Variants in TEAD1 observed in about 807,000 individuals in gnomAD.
TEAD1 encodes the protein transcriptional enhancer factor TEF-1.
Under a neutral mutation model 54.9 loss-of-function variants are expected in TEAD1, and 9 were observed. The ratio of observed to expected loss-of-function variants is 0.16; its 90% CI spans 0.10 to 0.29. TEAD1 has a LOEUF of 0.29. Ranked by LOEUF, TEAD1 falls within the 10% of genes least tolerant of loss-of-function variation. TEAD1 has a pLI of 1.00. For synonymous variants in TEAD1, 200 were observed against 187.8 expected (o/e 1.07, Z -0.53); for missense variants, 387 against 535.9 (o/e 0.72, Z 2.74).
intron 11 of TEAD1, 74 bp downstream of exon 11, chr11:12,925,126 CAG>C: frequency 6.4e-7 from 1 of 1,554,730 alleles, no homozygotes; most frequent in Non-Finnish European, 8.8e-7. Flanking sequence ...TTCCTTGGGG[CAG>C]AGAGTTGTAT....
chr11:12,821,859 T>G (rs1165130444), intron 3 of TEAD1, among the ~76,000 whole-genome samples: 1 of 151,938 alleles, frequency 6.6e-6, no homozygotes, highest in South Asian at 2.1e-4. Flanking sequence ...TTCTCTCACT[T>G]TACCTACCTC....
intron 3 of TEAD1, among the ~76,000 whole-genome samples, chr11:12,766,264 C>T (rs1945205276): frequency 6.6e-6 from 1 of 152,176 alleles, no homozygotes; most frequent in South Asian, 2.1e-4. Flanking sequence ...TTGTATTGTT[C>T]TCCATTGAGA....
chr11:12,702,250 C>G (rs1286924102), intron 2 of TEAD1, among the ~76,000 whole-genome samples: 1 of 152,200 alleles, frequency 6.6e-6, no homozygotes, highest in Non-Finnish European at 1.5e-5. Flanking sequence ...AGGCTGGTAT[C>G]AGGCCACAGC....
intron 3 of TEAD1, among the ~76,000 whole-genome samples, chr11:12,782,585 A>G (rs566496248): frequency 1.3e-5 from 2 of 152,346 alleles, no homozygotes; most frequent in South Asian, 2.1e-4. Flanking sequence ...GAATGTAGTA[A>G]AAACTTGAAT....
chr11:12,910,747 C>CTT lies in TEAD1; in HGVS notation c.873+8650_873+8651dup, dbSNP rs5789752. Among the ~76,000 whole-genome samples the CTT allele has an allele frequency of 1.1e-3, 135 of 119,900 alleles. 2 individuals carry two copies. The highest frequency in any genetic ancestry group is 2.9e-3 in the African/African-American group (89 of 31,210). The allele number at this position is 119,900 out of a possible 152,430, so 78.7% of individuals were successfully genotyped here. A position where few individuals can be genotyped will look rare whatever the true frequency, so the allele number is the denominator to read the frequency against. On this transcript the variant is annotated intron_variant, in intron 10 of 12. Coordinates refer to ENST00000527636, the MANE Select transcript of TEAD1 (RefSeq NM_021961.6). ...ACTGTCTACATAGTTACTTAATTTG[C>CTT]TTTTTTTTTTTTTTTTTGAGATGGA...
At chr11:12,819,630 T>A (rs1946494955) in intron 3 of TEAD1, among the ~76,000 whole-genome samples, 1 of 151,762 alleles carries the variant, frequency 6.6e-6, no homozygotes, top group African/African-American at 2.4e-5. Flanking sequence ...TTTTTGTATT[T>A]TTAGTAGAGA....
intron 3 of TEAD1, among the ~76,000 whole-genome samples, chr11:12,852,306 G>T (rs999324239): frequency 6.6e-6 from 1 of 152,132 alleles, no homozygotes; most frequent in Non-Finnish European, 1.5e-5. Context: ...AACATAACTA[G>T]ATGTGGAGGT....
chr11:12,851,063 G>A, intron 3 of TEAD1: 4 of 975,064 alleles, frequency 4.1e-6, no homozygotes, highest in Non-Finnish European at 3.7e-6. Context: ...CTTTTCTTCG[G>A]ATTTTCTTTA....
chr11:12,906,568 A>G (rs960596971), intron 10 of TEAD1, among the ~76,000 whole-genome samples: 1 of 151,908 alleles, frequency 6.6e-6, no homozygotes, highest in Non-Finnish European at 1.5e-5. Context: ...AGAAAGAAAG[A>G]AAAGTACAAT....
At chr11:12,852,948 C>G (rs368437357) in intron 3 of TEAD1, among the ~76,000 whole-genome samples, 7 of 152,316 alleles carry the variant, frequency 4.6e-5, no homozygotes, top group African/African-American at 1.7e-4. Context: ...AGTTAAGAGT[C>G]AAGCCATCAT....
chr11:12,814,126 C>T (rs113857185), intron 3 of TEAD1, among the ~76,000 whole-genome samples: 335 of 152,224 alleles, frequency 2.2e-3, no homozygotes, highest in African/African-American at 6.4e-3. Flanking sequence ...CCAGGGCTGA[C>T]GTATGGGGAG....
At chr11:12,840,243 C>CAT (rs1564959304) in intron 3 of TEAD1, among the ~76,000 whole-genome samples, 5 of 64,596 alleles carry the variant, frequency 7.7e-5, no homozygotes, top group African/African-American at 1.4e-4. Flanking sequence ...CGAGACTCTG[C>CAT]CTCAAAAAAA....
At chr11:12,871,802 C>G (rs1032909297) in intron 5 of TEAD1, among the ~76,000 whole-genome samples, 2 of 152,092 alleles carry the variant, frequency 1.3e-5, no homozygotes, top group Non-Finnish European at 2.9e-5. Flanking sequence ...GAAAGGAAGT[C>G]TTCGCCGTGC....
chr11:12,677,054 A>G (rs1022610732), intron 2 of TEAD1, among the ~76,000 whole-genome samples: 7 of 152,132 alleles, frequency 4.6e-5, no homozygotes, highest in Non-Finnish European at 1.0e-4. Flanking sequence ...GGGTAAAGAA[A>G]ATTATAGGGA....
intron 2 of TEAD1, among the ~76,000 whole-genome samples, chr11:12,752,213 G>GTTTTTTTTT (rs35143229): frequency 9.9e-6 from 1 of 101,028 alleles, no homozygotes; most frequent in African/African-American, 3.7e-5. Flanking sequence ...AAACAGGGCA[G>GTTTTTTTTT]TTTTTTTTTT....
chr11:12,776,871 T>G (rs888555810), intron 3 of TEAD1, among the ~76,000 whole-genome samples: 1 of 151,682 alleles, frequency 6.6e-6, no homozygotes, highest in African/African-American at 2.4e-5. Context: ...ACCATCTCAC[T>G]GCAACCTCCA....
intron 2 of TEAD1, among the ~76,000 whole-genome samples, chr11:12,716,706 T>C (rs2133859568): frequency 6.6e-6 from 1 of 152,376 alleles, no homozygotes; most frequent in African/African-American, 2.4e-5. Flanking sequence ...ATCTTATTTA[T>C]GGACACATGT....
At chr11:12,738,559 T>C (rs969087726) in intron 2 of TEAD1, among the ~76,000 whole-genome samples, 9 of 152,310 alleles carry the variant, frequency 5.9e-5, no homozygotes, top group South Asian at 4.1e-4. Context: ...ACTTTAACTC[T>C]GTACATGTGT....
intron 3 of TEAD1, among the ~76,000 whole-genome samples, chr11:12,857,017 A>G (rs746767911): frequency 1.1e-4 from 17 of 152,130 alleles, no homozygotes; most frequent in Non-Finnish European, 1.8e-4. Flanking sequence ...ATCACATTAT[A>G]TATACAGCCC....
Sources: allele counts gnomAD v4.1 joint callset (sites outside exome capture counted in the v4.1 genomes callset), GRCh38; gene constraint gnomAD v4.1.1; transcripts MANE v1.5; gene names NCBI Gene and HGNC (gene_info 2026-07-23, HGNC 2026-07-21).